The following CHN2 variants were observed in gnomAD, a reference collection of about 807,000 sequenced individuals.
CHN2 encodes the protein chimerin 2.
CHN2 carries 35 observed loss-of-function variants against 56.3 expected under a neutral mutation model. The observed-to-expected ratio is 0.62, with a 90% confidence interval of 0.47 to 0.82. The LOEUF (loss-of-function observed/expected upper bound fraction) is 0.82, where lower values mean the gene tolerates loss of function less well. CHN2 is among the 40% of genes least tolerant of loss of function. CHN2 has a pLI of 0.00. For missense variants in CHN2, 491 were observed against 580.5 expected (o/e 0.85, Z 1.58); for synonymous variants, 210 against 212.8 (o/e 0.99, Z 0.12).
chr7:29,408,668 A>C (rs1357469311), intron 6 of CHN2, among the ~76,000 whole-genome samples: 2 of 152,212 alleles, frequency 1.3e-5, no homozygotes, highest in Non-Finnish European at 2.9e-5. Flanking sequence ...AGTGGGATTA[A>C]AGAATTTAAT....
intron 8 of CHN2, among the ~76,000 whole-genome samples, chr7:29,496,559 T>A (rs959406461): frequency 1.3e-5 from 2 of 152,022 alleles, no homozygotes; most frequent in Non-Finnish European, 2.9e-5. Flanking sequence ...TGCCCTTGGC[T>A]ACGCAGTAAG....
intron 6 of CHN2, among the ~76,000 whole-genome samples, chr7:29,452,432 C>T (rs3857731): frequency 0.068 from 10,376 of 152,230 alleles, 609 homozygotes; most frequent in African/African-American, 0.17. Flanking sequence ...TTGCAGCTCA[C>T]TTTCCTCACC....
In CHN2 at chr7:29,368,007, C is replaced by T; in HGVS notation, c.144+20C>T. 1.3e-6 allele frequency: 2 copies of T among 1,597,826 alleles called. No individual in the cohort carries two copies. The highest frequency in any genetic ancestry group is 1.7e-6 in the Non-Finnish European group (2 of 1,170,704). On this transcript the variant is annotated intron_variant, in intron 3 of 12. Transcript: ENST00000222792. ...CGGGAGGTCAGTGCTCAGCTATTTC[C>T]AATACACCTTGTTAAATATGATGAA...
intron 1 of CHN2, among the ~76,000 whole-genome samples, chr7:29,220,469 A>T (rs760541110): frequency 6.6e-6 from 1 of 152,124 alleles, no homozygotes; most frequent in Non-Finnish European, 1.5e-5. Context: ...GAAAAAAACA[A>T]GGGGATCACC....
chr7:29,456,302 A>G (rs970891551), intron 6 of CHN2, among the ~76,000 whole-genome samples: 3 of 152,190 alleles, frequency 2.0e-5, no homozygotes, highest in Non-Finnish European at 4.4e-5. Context: ...TTATTTGTTC[A>G]GATGTCTATC....
intron 3 of CHN2, among the ~76,000 whole-genome samples, chr7:29,377,546 G>T (rs763052753): frequency 7.9e-5 from 12 of 152,184 alleles, no homozygotes; most frequent in Admixed American, 1.3e-4. Context: ...TTTCCAAGAT[G>T]CTAGTTTCTT....
intron 1 of CHN2, among the ~76,000 whole-genome samples, chr7:29,316,768 G>T (rs937908119): frequency 1.3e-5 from 2 of 151,948 alleles, no homozygotes; most frequent in Non-Finnish European, 2.9e-5. Context: ...ATTTGCCAAA[G>T]AAATAGCTAA....
intron 1 of CHN2, among the ~76,000 whole-genome samples, chr7:29,242,449 C>A (rs946243851): frequency 2.0e-5 from 3 of 152,160 alleles, no homozygotes; most frequent in Non-Finnish European, 4.4e-5. Context: ...GATGTCAACA[C>A]TGTGTTTATA....
chr7:29,494,950 TAAAAAA>T (rs5883217), intron 7 of CHN2, among the ~76,000 whole-genome samples: 12,294 of 64,814 alleles, frequency 0.19, 950 homozygotes, highest in Middle Eastern at 0.4. Context: ...AAGCAGTTTG[TAAAAAA>T]AAAAAAAAAA....
At chr7:29,173,949 CA>C (rs74313059) in intron 2 of CHN2, among the ~76,000 whole-genome samples, 366 of 115,510 alleles carry the variant, frequency 3.2e-3, no homozygotes, top group Admixed American at 3.5e-3. Context: ...GAGACTGACT[CA>C]AAAAAAAAAA....
At chr7:29,490,092 G>A (rs1423521303) in intron 7 of CHN2, among the ~76,000 whole-genome samples, 1 of 149,644 alleles carries the variant, frequency 6.7e-6, no homozygotes, top group African/African-American at 2.5e-5. Context: ...ATGTTTCAGA[G>A]ACCAACGTGA....
chr7:29,350,582 A>G (rs556824099), intron 1 of CHN2, among the ~76,000 whole-genome samples: 1 of 152,262 alleles, frequency 6.6e-6, no homozygotes, highest in South Asian at 2.1e-4. Flanking sequence ...AAAACCTTCC[A>G]TGACAACAGC....
intron 7 of CHN2, among the ~76,000 whole-genome samples, chr7:29,492,075 A>T (rs1788724419): frequency 6.6e-6 from 1 of 151,904 alleles, no homozygotes; most frequent in Admixed American, 6.6e-5. Context: ...GTGATTGGAA[A>T]CTCTTGACAT....
intron 1 of CHN2, among the ~76,000 whole-genome samples, chr7:29,310,497 C>A (rs1342190011): frequency 1.3e-5 from 2 of 152,112 alleles, no homozygotes; most frequent in Non-Finnish European, 2.9e-5. Context: ...TTGTTTTATT[C>A]TTAGTGCCCA....
At chr7:29,376,081 G>A (rs1185135379) in intron 3 of CHN2, among the ~76,000 whole-genome samples, 1 of 152,210 alleles carries the variant, frequency 6.6e-6, no homozygotes, top group African/African-American at 2.4e-5. Flanking sequence ...GAGAGGCTTG[G>A]ACGTAGATTT....
At chr7:29,228,145 AATAT>A (rs139728472) in intron 1 of CHN2, among the ~76,000 whole-genome samples, 2 of 148,502 alleles carry the variant, frequency 1.3e-5, no homozygotes, top group East Asian at 2.0e-4. Context: ...TACACACACT[AATAT>A]ATATATATAT....
chr7:29,439,643 C>A (rs940226695), intron 6 of CHN2, among the ~76,000 whole-genome samples: 1 of 152,182 alleles, frequency 6.6e-6, no homozygotes, highest in South Asian at 2.1e-4. Flanking sequence ...TGGCTTATGT[C>A]CTGCTTCTGC....
At chr7:29,307,020 TC>T (rs1258320801) in intron 1 of CHN2, among the ~76,000 whole-genome samples, 1 of 152,334 alleles carries the variant, frequency 6.6e-6, no homozygotes, top group Middle Eastern at 3.4e-3. Flanking sequence ...CAAGAGGACA[TC>T]CGTAATCTCT....
At chr7:29,438,757 T>C (rs952237283) in intron 6 of CHN2, among the ~76,000 whole-genome samples, 2 of 152,250 alleles carry the variant, frequency 1.3e-5, no homozygotes, top group African/African-American at 4.8e-5. Flanking sequence ...GAAATATCCC[T>C]TCATATTTTG....
Sources: allele counts gnomAD v4.1 joint callset (sites outside exome capture counted in the v4.1 genomes callset), GRCh38; gene constraint gnomAD v4.1.1; transcripts MANE v1.5; gene names NCBI Gene and HGNC (gene_info 2026-07-23, HGNC 2026-07-21).